MEX3C: variants seen among roughly 807,000 people sequenced by gnomAD.
MEX3C encodes RNA-binding E3 ubiquitin-protein ligase MEX3C.
MEX3C carries 15 observed loss-of-function variants against 35.5 expected under a neutral mutation model. That is an observed-to-expected ratio of 0.42 (90% confidence interval 0.28 to 0.65). The LOEUF (loss-of-function observed/expected upper bound fraction) is 0.65, where lower values mean the gene tolerates loss of function less well. Ranked by LOEUF, MEX3C falls within the 30% of genes least tolerant of loss-of-function variation. The pLI is 0.20. For missense variants in MEX3C, 711 were observed against 842.8 expected, an observed-to-expected ratio of 0.84 and a Z score of 1.94; for synonymous variants, 390 against 352.8, an observed-to-expected ratio of 1.11 and a Z score of -1.18.
intron 1 of MEX3C, chr18:51,196,242 C>T: frequency 2.3e-6 from 1 of 434,714 alleles, no homozygotes; most frequent in Non-Finnish European, 4.0e-6. Context: ...ACTCCTCGAG[C>T]CCGACCTTTT....
Position 51,197,322 on chromosome 18 carries a change from G to A in MEX3C, c.-2C>T. On this transcript the variant is annotated 5_prime_UTR_variant, in exon 1 of 2. Coordinates refer to ENST00000406189, the MANE Select transcript of MEX3C (RefSeq NM_016626.5). The stretch of plus-strand genomic sequence containing the variant: ...GGCCGCGGAGCTGCCGCTGGGCATC[G>A]CGGCGGCGCGCTGTCAATGGCGGCG... 2.1e-6 allele frequency: 1 copy of A among 476,804 alleles called. No individual in the cohort carries two copies. The highest frequency in any genetic ancestry group is 2.7e-6 in the Non-Finnish European group (1 of 366,778). 29.5% of individuals were successfully genotyped at this position (476,804 alleles called of 1,614,324 possible).
At chr18:51,189,880 T>A (rs1912618173) in intron 1 of MEX3C, among the ~76,000 whole-genome samples, 1 of 152,194 alleles carries the variant, frequency 6.6e-6, no homozygotes, top group Non-Finnish European at 1.5e-5. Flanking sequence ...ATTATAAATT[T>A]AAAAAATATA....
At chr18:51,192,457 T>G (rs1450663156) in intron 1 of MEX3C, among the ~76,000 whole-genome samples, 1 of 152,188 alleles carries the variant, frequency 6.6e-6, no homozygotes, top group Non-Finnish European at 1.5e-5. Flanking sequence ...CAAATTAACT[T>G]TCTGTACTAC....
Position 51,196,823 on chromosome 18 carries a change from C to G in MEX3C, c.498G>C (p.Leu166=). The G allele has an allele frequency of 6.5e-7, 1 of 1,533,982 alleles. No individual in the cohort carries two copies. The highest frequency in any genetic ancestry group is 1.2e-5 in the South Asian group (1 of 83,732). ...QIPGGSLGSV[L]LPAARFDARE... Reference sequence around the variant, plus strand: ...GGGCATCGAACCTGGCGGCTGGCAGCAGCACAGACCCCAGGGACCCGCCCG... The same window carrying G: ...GGGCATCGAACCTGGCGGCTGGCAGGAGCACAGACCCCAGGGACCCGCCCG... Residue 166 remains leucine, a synonymous_variant, in exon 1 of 2, where the codon CTG becomes CTC. Transcript: ENST00000406189.
rs1393705308 is a variant in MEX3C, at chr18:51,196,925, TTCCTCCAGCTCCTCC to T, written c.381_395del (p.Glu128_Glu132del). 11 of 1,543,808 alleles carry T rather than the reference TTCCTCCAGCTCCTCC, an allele frequency of 7.1e-6. No homozygotes were observed. The Admixed American group carries it at 1.2e-4, about 17-fold the overall frequency. On this transcript the variant is annotated inframe_deletion, in exon 1 of 2. Transcript: ENST00000406189. ...GCGACGACCGGTCCTCCTCCTCTGC[TTCCTCCAGCTCCTCC>T]TCCTCCAGCAGGTCTCCGTCCAGCT...
intron 1 of MEX3C, among the ~76,000 whole-genome samples, chr18:51,178,598 C>T (rs12185423): frequency 0.062 from 9,366 of 151,602 alleles, 396 homozygotes; most frequent in Middle Eastern, 0.096. Context: ...GTGCTGTAAT[C>T]CCAGCACTTT....
intron 1 of MEX3C, among the ~76,000 whole-genome samples, chr18:51,186,417 G>C (rs57703519): frequency 0.011 from 1,697 of 152,320 alleles, 29 homozygotes; most frequent in African/African-American, 0.039. Flanking sequence ...AGAGGGAACT[G>C]CAAGTGCAAA....
At position 51,196,548 on chromosome 18, in the gene MEX3C, T is replaced by C. The variant is rs1261177063; in HGVS notation, c.754+19A>G. ...GCCCGGGGCCATGCCCAGCTGGACC[T>C]CCCCACCCCTGCACTCACCCTGGCG... is the stretch of plus-strand genomic sequence containing the variant. On this transcript the variant is annotated intron_variant, in intron 1 of 1. Transcript: ENST00000406189. The C allele has an allele frequency of 1.3e-6, 2 of 1,559,242 alleles. No individual in the cohort carries two copies. The highest frequency in any genetic ancestry group is 8.6e-7 in the Non-Finnish European group (1 of 1,160,612).
chr18:51,178,708 A>G (rs1020339345), intron 1 of MEX3C, among the ~76,000 whole-genome samples: 2 of 151,800 alleles, frequency 1.3e-5, no homozygotes, highest in African/African-American at 4.8e-5. Flanking sequence ...AAATACACAA[A>G]AATTAGCTGG....
At chr18:51,189,918 C>A (rs141325326) in intron 1 of MEX3C, among the ~76,000 whole-genome samples, 28 of 152,104 alleles carry the variant, frequency 1.8e-4, no homozygotes, top group African/African-American at 5.5e-4. Context: ...GTATAGCCTA[C>A]GAAAAACTTA....
chr18:51,196,974 TC>T lies in MEX3C; in HGVS notation c.346del (p.Glu116ArgfsTer81). On this transcript the variant is annotated frameshift_variant, in exon 1 of 2. Coordinates refer to ENST00000406189, the MANE Select transcript of MEX3C (RefSeq NM_016626.5). LOFTEE classifies it high-confidence loss of function. Reference protein sequence around the residue: ...LELEEDEEEGEEAELDGDLLE... With the variant: ...LELEEDEEEGXEAELDGDLLE... ...CAGGTCTCCGTCCAGCTCCGCTTCC[TC>T]CCCCTCCTCCTCGTCCTCTTCCAGC... 6.5e-7 allele frequency: 1 copy of T among 1,537,142 alleles called. No individual in the cohort carries two copies. Among genetic ancestry groups the T allele is most frequent in the African/African-American group, 1.4e-5 (1 of 71,194 alleles).
At chr18:51,183,974 C>CT (rs1912481837) in intron 1 of MEX3C, among the ~76,000 whole-genome samples, 1 of 152,132 alleles carries the variant, frequency 6.6e-6, no homozygotes, top group Non-Finnish European at 1.5e-5. Flanking sequence ...GCACTCCAGC[C>CT]TGGGCAACAG....
Position 51,197,031 on chromosome 18 carries a change from C to G in MEX3C, c.290G>C (p.Arg97Pro). 6.6e-7 allele frequency: 1 copy of G among 1,516,312 alleles called. No homozygotes were observed. The highest frequency in any genetic ancestry group is 8.8e-7 in the Non-Finnish European group (1 of 1,137,964). 93.9% of individuals were successfully genotyped at this position (1,516,312 alleles called of 1,614,324 possible). A position where few individuals can be genotyped will look rare whatever the true frequency, so the allele number is the denominator to read the frequency against. ...LSPEERAPPG[R>P]PGAPEAAELE... is the part of the protein sequence containing the mutation. Reference sequence around the variant, plus strand: ...CTCGGCCGCCTCCGGGGCCCCGGGCCGGCCGGGCGGAGCCCGCTCCTCTGG... The same window carrying G: ...CTCGGCCGCCTCCGGGGCCCCGGGCGGGCCGGGCGGAGCCCGCTCCTCTGG... Residue 97 changes from arginine (R) to proline (P), a missense_variant, in exon 1 of 2, where the codon CGG becomes CCG. Coordinates refer to ENST00000406189, the MANE Select transcript of MEX3C (RefSeq NM_016626.5).
intron 1 of MEX3C, among the ~76,000 whole-genome samples, chr18:51,179,003 T>A (rs1238363475): frequency 1.3e-5 from 2 of 151,344 alleles, no homozygotes; most frequent in South Asian, 2.1e-4. Flanking sequence ...TTTAGTCAGA[T>A]GATGCTTTTT....
At chr18:51,192,166 G>A (rs1893379) in intron 1 of MEX3C, among the ~76,000 whole-genome samples, 54,161 of 151,794 alleles carry the variant, frequency 0.36, 10,778 homozygotes, top group Non-Finnish European at 0.45. Flanking sequence ...TTGGTTCCCT[G>A]GATCATTTTC....
In MEX3C at chr18:51,197,043, G is replaced by A. The variant is rs896358934; in HGVS notation, c.278C>T (p.Ala93Val). ...CGGGGCCCCGGGCCGGCCGGGCGGA[G>A]CCCGCTCCTCTGGAGACAGCTCCGC... ...RAAELSPEERAPPGRPGAPEA... is the reference protein window; with the variant it reads ...RAAELSPEERVPPGRPGAPEA... Residue 93 changes from alanine to valine, a missense_variant, in exon 1 of 2, where the codon GCT becomes GTT. By Grantham distance (64) the Ala-to-Val change is moderately conservative. This residue lies in a region of MEX3C where 354 missense variants were observed against 311.6 expected (regional missense o/e 1.14). Transcript: ENST00000406189. 7 of 1,509,376 alleles carry A rather than the reference G, an allele frequency of 4.6e-6. No individual in the cohort carries two copies. The highest frequency in any genetic ancestry group is 6.2e-6 in the Non-Finnish European group (7 of 1,135,286). 93.5% of individuals were successfully genotyped at this position (1,509,376 alleles called of 1,614,324 possible). A position where few individuals can be genotyped will look rare whatever the true frequency, so the allele number is the denominator to read the frequency against.
intron 1 of MEX3C, chr18:51,195,175 T>G (rs1912748897): frequency 6.6e-6 from 1 of 152,224 alleles, no homozygotes; most frequent in Admixed American, 6.5e-5. Flanking sequence ...AATTGAGATG[T>G]TGTAATTTTA....
chr18:51,192,766 G>A (rs1912678470), intron 1 of MEX3C: 2 of 152,126 alleles, frequency 1.3e-5, no homozygotes, highest in African/African-American at 4.8e-5. Flanking sequence ...TTAGCTCTCA[G>A]AACCTCTGTT....
Position 51,197,392 on chromosome 18 carries a change from A to C in MEX3C, c.-72T>G, listed in dbSNP as rs1339869773. ...CGGCAGGCGGCGAGCCCCATGGCGG[A>C]CAGGGCCAGGGCCCTGCTCAGCTCG... On this transcript the variant is annotated 5_prime_UTR_variant, in exon 1 of 2. Transcript: ENST00000406189. 1 of 166,428 alleles carries C rather than the reference A, an allele frequency of 6.0e-6. No homozygotes were observed. The highest frequency in any genetic ancestry group is 1.2e-5 in the Non-Finnish European group (1 of 81,564). 10.3% of individuals were successfully genotyped at this position (166,428 alleles called of 1,614,324 possible). A position where few individuals can be genotyped will look rare whatever the true frequency, so the allele number is the denominator to read the frequency against.
Sources: gnomAD v4.1 joint callset for allele counts (sites outside exome capture counted in the v4.1 genomes callset) on GRCh38, gnomAD v4.1.1 for gene constraint, gnomAD v4.1.1 regional missense constraint, MANE v1.5 for transcripts, NCBI Gene and HGNC (gene_info 2026-07-23, HGNC 2026-07-21) for gene names.